The following IL1R1 variants were observed in gnomAD, a reference collection of about 807,000 sequenced individuals.
IL1R1 encodes interleukin 1 receptor type 1.
Under a neutral mutation model 50.2 loss-of-function variants are expected in IL1R1, and 22 were observed. That is an observed-to-expected ratio of 0.44 (90% CI 0.31 to 0.63). The LOEUF is 0.63. Among genes scored for constraint, IL1R1 ranks in the 20% least tolerant of loss-of-function variants. IL1R1 has a pLI of 0.07. For synonymous variants in IL1R1, 251 were observed against 236.7 expected, an observed-to-expected ratio of 1.06 and a Z score of -0.55; for missense variants, 509 against 676.2, an observed-to-expected ratio of 0.75 and a Z score of 2.74.
chr2:102,134,155 A>G (rs1682204724), intron 1 of IL1R1, among the ~76,000 whole-genome samples: 1 of 152,242 alleles, frequency 6.6e-6, no homozygotes, highest in African/African-American at 2.4e-5. Flanking sequence ...TTTGAAAAAC[A>G]GGAATAAATC....
At chr2:102,146,754 G>A (rs1683161025) in intron 1 of IL1R1, among the ~76,000 whole-genome samples, 1 of 152,244 alleles carries the variant, frequency 6.6e-6, no homozygotes, top group South Asian at 2.1e-4. Context: ...GTTTCCGTCA[G>A]TATGAACGTC....
chr2:102,099,990 T>C (rs1362305033), upstream of IL1R1, among the ~76,000 whole-genome samples: 1 of 152,174 alleles, frequency 6.6e-6, no homozygotes, highest in East Asian at 1.9e-4. Context: ...GTGGTAAGCT[T>C]GCCTGCTCTG....
chr2:102,107,313 T>C (rs1339527304), intron 1 of IL1R1, among the ~76,000 whole-genome samples: 3 of 152,012 alleles, frequency 2.0e-5, no homozygotes, highest in African/African-American at 7.3e-5. Context: ...TATGCAGCCA[T>C]GAAAAAGGAT....
rs1215835595 is a variant in IL1R1 at position 102,095,298 on chromosome 2, G to C, written c.-84+24765G>C. ...AAAAAGAGATTGCAGTGATGATAAAGAATGCAGGAAAGGAAGCCAATTTAT... is the reference window on the plus strand; with the variant it reads ...AAAAAGAGATTGCAGTGATGATAAACAATGCAGGAAAGGAAGCCAATTTAT... On this transcript the variant is annotated intron_variant, in intron 1 of 11. Coordinates refer to the IL1R1 transcript ENST00000409929. 1.3e-5 allele frequency among the ~76,000 whole-genome samples: 2 copies of C among 152,200 alleles called. 1 individual carries two copies. Among genetic ancestry groups the C allele is most frequent in the Admixed American group, 1.3e-4 (2 of 15,280 alleles).
chr2:102,111,945 C>T (rs909649975), intron 1 of IL1R1, among the ~76,000 whole-genome samples: 10 of 152,154 alleles, frequency 6.6e-5, no homozygotes, highest in Admixed American at 3.3e-4. Flanking sequence ...CTTTTCCTCC[C>T]ACCCCTGAAA....
rs746365952 is a variant in IL1R1, at chr2:102,171,931, A to C, written c.839+13A>C. ...AAGACTATTACAGGTATGTATGCTA[A>C]GAGTTATTCACATTTTGGTGTTAAA... On this transcript the variant is annotated intron_variant, in intron 8 of 11. Transcript: ENST00000410023. 2.2e-6 allele frequency: 3 copies of C among 1,350,974 alleles called. No homozygotes were observed. The highest frequency in any genetic ancestry group is 3.1e-6 in the Non-Finnish European group (3 of 963,520). 83.7% of individuals were successfully genotyped at this position (1,350,974 alleles called of 1,614,324 possible).
intron 1 of IL1R1, among the ~76,000 whole-genome samples, chr2:102,084,392 A>G (rs1186523460): frequency 6.6e-6 from 1 of 152,222 alleles, no homozygotes; most frequent in Non-Finnish European, 1.5e-5. Flanking sequence ...CAGCCCTGTA[A>G]TAATAGAGGT....
chr2:102,073,159 G>C (rs776228879), intron 1 of IL1R1, among the ~76,000 whole-genome samples: 1 of 152,184 alleles, frequency 6.6e-6, no homozygotes, highest in Non-Finnish European at 1.5e-5. Context: ...TGGGGCCAAA[G>C]CATGTGAGAA....
chr2:102,161,628 A>G (rs182413266), intron 3 of IL1R1, among the ~76,000 whole-genome samples: 78 of 152,306 alleles, frequency 5.1e-4, no homozygotes, highest in African/African-American at 1.7e-3. Context: ...GTTAGCAGCT[A>G]CATAAACATT....
At chr2:102,172,984 G>A (rs1266985246) in intron 9 of IL1R1, 146 bp downstream of exon 9, 1 of 604,488 alleles carries the variant, frequency 1.7e-6, no homozygotes, top group African/African-American at 1.9e-5. Context: ...TTACTCTTCT[G>A]CTGAACTCTC....
At chr2:102,095,488 T>C (rs1473502126) in intron 1 of IL1R1, among the ~76,000 whole-genome samples, 1 of 152,202 alleles carries the variant, frequency 6.6e-6, no homozygotes, top group Non-Finnish European at 1.5e-5. Context: ...ATAAATGTAA[T>C]GTATAAGGCC....
intron 1 of IL1R1, among the ~76,000 whole-genome samples, chr2:102,132,109 A>C (rs949335410): frequency 6.6e-6 from 1 of 152,024 alleles, no homozygotes; most frequent in Non-Finnish European, 1.5e-5. Flanking sequence ...TTTCAAAAAC[A>C]AAGACACAAT....
intron 1 of IL1R1, among the ~76,000 whole-genome samples, chr2:102,119,722 G>T (rs1441763189): frequency 6.7e-6 from 1 of 148,352 alleles, no homozygotes; most frequent in African/African-American, 2.5e-5. Context: ...AGGATTTGTT[G>T]TATGTACACA....
chr2:102,087,839 T>C (rs140100969), intron 1 of IL1R1, among the ~76,000 whole-genome samples: 6 of 152,334 alleles, frequency 3.9e-5, no homozygotes, highest in Non-Finnish European at 4.4e-5. Context: ...TGGACTAATA[T>C]ACCCATGTTG....
chr2:102,125,469 T>A (rs958240805), intron 1 of IL1R1, among the ~76,000 whole-genome samples: 41 of 152,280 alleles, frequency 2.7e-4, no homozygotes, highest in South Asian at 2.1e-4. Context: ...AGGGGAGAGT[T>A]TCTGGCATGG....
chr2:102,074,715 C>T (rs1218038755), intron 1 of IL1R1, among the ~76,000 whole-genome samples: 3 of 152,170 alleles, frequency 2.0e-5, no homozygotes, highest in Non-Finnish European at 4.4e-5. Context: ...CATTGACCTT[C>T]TGCTAAGTGA....
chr2:102,174,574 CT>C lies in IL1R1; in HGVS notation c.992-8del. 1 of 1,477,586 alleles carries C rather than the reference CT, an allele frequency of 6.8e-7. No homozygotes were observed. Among genetic ancestry groups the C allele is most frequent in the Non-Finnish European group, 9.0e-7 (1 of 1,115,672 alleles). 91.5% of individuals were successfully genotyped at this position (1,477,586 alleles called of 1,614,324 possible). A position where few individuals can be genotyped will look rare whatever the true frequency, so the allele number is the denominator to read the frequency against. On this transcript the variant is annotated splice_polypyrimidine_tract_variant and intron_variant, in intron 9 of 11. Transcript: ENST00000410023. Reference sequence around the variant, plus strand: ...CTAATATTTTTTCTCCTTTTTTTTTCTTTTTGCTATAGTCACTAATTTCCAG... The same window carrying C: ...CTAATATTTTTTCTCCTTTTTTTTTCTTTTGCTATAGTCACTAATTTCCAG...
chr2:102,100,425 A>G (rs1254724325), upstream of IL1R1, among the ~76,000 whole-genome samples: 2 of 152,204 alleles, frequency 1.3e-5, no homozygotes, highest in Non-Finnish European at 2.9e-5. Context: ...TACTCTTCTA[A>G]TTGACTCATT....
chr2:102,175,427 A>T, intron 10 of IL1R1, 51 bp from the exon 11 acceptor site: 2 of 1,396,980 alleles, frequency 1.4e-6, no homozygotes, highest in South Asian at 1.2e-5. Context: ...GACTTTATCA[A>T]ATCTCTTATT....
Sources: gnomAD v4.1 joint callset for allele counts (sites outside exome capture counted in the v4.1 genomes callset) on GRCh38, gnomAD v4.1.1 for gene constraint, MANE v1.5 for transcripts, NCBI Gene and HGNC (gene_info 2026-07-23, HGNC 2026-07-21) for gene names.